Variants in VSTM4 observed in about 807,000 individuals in gnomAD.
VSTM4 encodes the protein V-set and transmembrane domain-containing protein 4.
In VSTM4, 20 loss-of-function variants were observed where a neutral mutation model predicts 36.4. The ratio of observed to expected loss-of-function variants is 0.55; its 90% CI spans 0.39 to 0.80. VSTM4 has a LOEUF of 0.80. Ranked by LOEUF, VSTM4 falls within the 30% of genes least tolerant of loss-of-function variation. The probability of loss-of-function intolerance (pLI) is 0.00; values close to 1 mark genes in which losing one functional copy is unlikely to be tolerated. For synonymous variants in VSTM4, 182 were observed against 173.9 expected (o/e 1.05, Z -0.37); for missense variants, 392 against 404.5 (o/e 0.97, Z 0.26).
Position 49,107,919 on chromosome 10 carries a change from G to T in VSTM4, c.132C>A (p.Leu44=). 6.2e-7 allele frequency: 1 copy of T among 1,613,716 alleles called. No individual in the cohort carries two copies. Among genetic ancestry groups the T allele is most frequent in the Non-Finnish European group, 8.5e-7 (1 of 1,179,788 alleles). ...VDYLEGENAT[L]LCHVSQKRRK... ...GCCTTTTCTGGGAGACGTGGCAGAG[G>T]AGAGTGGCATTCTCCCCCTCCAGGT... The change falls in exon 2 of 8, where the codon CTC becomes CTA. Residue 44 remains leucine, a synonymous_variant. Coordinates refer to ENST00000332853, the MANE Select transcript of VSTM4 (RefSeq NM_001031746.5).
At chr10:49,077,140 G>T in intron 4 of VSTM4, 79 bp downstream of exon 4, 1 of 1,413,384 alleles carries the variant, frequency 7.1e-7, no homozygotes, top group Non-Finnish European at 9.9e-7. Context: ...CACCAAGGTG[G>T]TACTTTGTCT....
intron 2 of VSTM4, among the ~76,000 whole-genome samples, chr10:49,087,992 GTATATACACATGTAATATATGTA>G (rs1207414415): frequency 2.2e-5 from 3 of 137,796 alleles, no homozygotes; most frequent in Non-Finnish European, 4.5e-5. Flanking sequence ...ATATATATGT[GTATATACACATGTAATATATGTA>G]TATATACATA....
rs141737323 is a variant in VSTM4, at chr10:49,027,771, C to T, written c.838-7996G>A. 3.9e-5 allele frequency among the ~76,000 whole-genome samples: 6 copies of T among 152,360 alleles called. No individual in the cohort carries two copies. The East Asian group carries it at 5.8e-4, about 15-fold the overall frequency. On this transcript the variant is annotated intron_variant, in intron 7 of 7. Transcript: ENST00000332853. ...GATTTATCCCAGTTGTTGCAAGCAA[C>T]GATTGTCTGCTCCTCTCTGTTGGTA...
At chr10:49,089,494 C>T (rs1844433176) in intron 2 of VSTM4, among the ~76,000 whole-genome samples, 1 of 152,152 alleles carries the variant, frequency 6.6e-6, no homozygotes, top group Non-Finnish European at 1.5e-5. Flanking sequence ...AATTACAGTT[C>T]CCTTTCCCTT....
chr10:49,100,738 G>A (rs992782503), intron 2 of VSTM4, among the ~76,000 whole-genome samples: 3 of 152,082 alleles, frequency 2.0e-5, no homozygotes, highest in Non-Finnish European at 4.4e-5. Context: ...TTACAAAACT[G>A]GGTAAGTGGA....
chr10:49,029,672 G>C (rs1175791134), intron 7 of VSTM4, among the ~76,000 whole-genome samples: 1 of 152,240 alleles, frequency 6.6e-6, no homozygotes, highest in Non-Finnish European at 1.5e-5. Flanking sequence ...AGTAGGCCTG[G>C]GATGCCAACA....
intron 1 of VSTM4, 87 bp from the exon 2 acceptor site, chr10:49,108,082 T>C: frequency 6.9e-7 from 1 of 1,448,974 alleles, no homozygotes; most frequent in Non-Finnish European, 9.1e-7. Context: ...AGGAAATGCC[T>C]CCACGCACTG....
At chr10:49,076,862 G>A (rs921184090) in intron 4 of VSTM4, among the ~76,000 whole-genome samples, 1 of 152,140 alleles carries the variant, frequency 6.6e-6, no homozygotes, top group African/African-American at 2.4e-5. Flanking sequence ...TTTCATAAAT[G>A]AGGAAACCCA....
At position 49,014,440 on chromosome 10, in the gene VSTM4, G is replaced by T. The variant is rs1232941169; in HGVS notation, c.*5210C>A. ...TCGTCTTTCACCAGTGACAACAGAA[G>T]GAACAGAAAACCTCCATGGCCACCC... On this transcript the variant is annotated 3_prime_UTR_variant, in exon 8 of 8. Transcript: ENST00000332853. 2.6e-5 allele frequency: 4 copies of T among 152,198 alleles called. No individual in the cohort carries two copies. The highest frequency in any genetic ancestry group is 5.9e-5 in the Non-Finnish European group (4 of 68,042). 9.4% of individuals were successfully genotyped at this position (152,198 alleles called of 1,614,324 possible).
At chr10:49,065,816 C>T (rs927161125) in intron 4 of VSTM4, among the ~76,000 whole-genome samples, 9 of 152,162 alleles carry the variant, frequency 5.9e-5, no homozygotes, top group Non-Finnish European at 7.3e-5. Flanking sequence ...ATCTGTTACG[C>T]AGCTTCCAAA....
rs1844197117 is a variant in VSTM4, at chr10:49,077,298, G to A, written c.555C>T (p.Cys185=). 6.2e-7 allele frequency: 1 copy of A among 1,614,084 alleles called. No individual in the cohort carries two copies. The highest frequency in any genetic ancestry group is 8.5e-7 in the Non-Finnish European group (1 of 1,180,046). The change falls in exon 4 of 8, where the codon TGC becomes TGT. Residue 185 remains cysteine, a synonymous_variant. Coordinates refer to ENST00000332853, the MANE Select transcript of VSTM4 (RefSeq NM_001031746.5). ...EDLYVYAVLV[C]CVGILSILLF... ...GCAGAATGCTGAGGATCCCCACGCA[G>A]CACACGAGGACAGCATACACATAGA... is the stretch of plus-strand genomic sequence containing the variant.
In VSTM4 at chr10:49,021,204, G is replaced by GA. The variant is rs551657729; in HGVS notation, c.838-1430dup. On this transcript the variant is annotated intron_variant, in intron 7 of 7. Coordinates refer to ENST00000332853, the MANE Select transcript of VSTM4 (RefSeq NM_001031746.5). ...TTGGAATACTTGGACAGCCATTTGA[G>GA]AAAAAAAAAATCACATCCTTATATC... 5.0e-3 allele frequency among the ~76,000 whole-genome samples: 731 copies of GA among 146,652 alleles called. 4 individuals carry two copies. The highest frequency in any genetic ancestry group is 8.1e-3 in the Non-Finnish European group (539 of 66,890).
chr10:49,026,391 A>G (rs1007643722), intron 7 of VSTM4, among the ~76,000 whole-genome samples: 3 of 152,250 alleles, frequency 2.0e-5, no homozygotes, highest in African/African-American at 7.2e-5. Context: ...CTATTAAGAT[A>G]GGTGCCTTTT....
intron 7 of VSTM4, among the ~76,000 whole-genome samples, chr10:49,031,885 C>T (rs547360497): frequency 9.9e-5 from 15 of 152,122 alleles, no homozygotes; most frequent in African/African-American, 3.4e-4. Context: ...CCTGGACACA[C>T]CCCATATGGC....
chr10:49,034,002 T>G (rs909412671), intron 7 of VSTM4, among the ~76,000 whole-genome samples: 5 of 149,586 alleles, frequency 3.3e-5, no homozygotes, highest in Non-Finnish European at 5.9e-5. Flanking sequence ...TCATCACCAT[T>G]ACCATCATCA....
chr10:49,037,838 GACAAGA>G (rs1234450470), intron 7 of VSTM4, among the ~76,000 whole-genome samples: 1 of 151,098 alleles, frequency 6.6e-6, no homozygotes, highest in Non-Finnish European at 1.5e-5. Flanking sequence ...ACAAATGGCT[GACAAGA>G]ACATAAAAAG....
Position 49,029,089 on chromosome 10 carries a change from T to C in VSTM4, c.838-9314A>G, listed in dbSNP as rs575855035. 2.6e-4 allele frequency among the ~76,000 whole-genome samples: 40 copies of C among 152,314 alleles called. No homozygotes were observed. In the Middle Eastern group the frequency reaches 0.01, roughly 39 times the overall value. The stretch of plus-strand genomic sequence containing the variant: ...CCACCAAGGAGCTTGAGGCTGTGCA[T>C]TCAGAAAGCTCTATTTGACAGAGGG... On this transcript the variant is annotated intron_variant, in intron 7 of 7. Transcript: ENST00000332853.
At chr10:49,100,992 T>A (rs1461074138) in intron 2 of VSTM4, among the ~76,000 whole-genome samples, 1 of 152,004 alleles carries the variant, frequency 6.6e-6, no homozygotes, top group Non-Finnish European at 1.5e-5. Context: ...AAAAATAAAT[T>A]AGCTACTATA....
At chr10:49,062,830 C>T (rs1450954344) in intron 5 of VSTM4, among the ~76,000 whole-genome samples, 1 of 152,084 alleles carries the variant, frequency 6.6e-6, no homozygotes, top group African/African-American at 2.4e-5. Context: ...TAGATAAATT[C>T]TATTGCTCTG....
Sources: allele counts gnomAD v4.1 joint callset (sites outside exome capture counted in the v4.1 genomes callset), GRCh38; gene constraint gnomAD v4.1.1; transcripts MANE v1.5; gene names NCBI Gene and HGNC (gene_info 2026-07-23, HGNC 2026-07-21).